The following ARMC9 variants were observed in gnomAD, a reference collection of about 807,000 sequenced individuals.
The protein encoded by ARMC9 is armadillo repeat containing 9.
In ARMC9, 94 loss-of-function variants were observed where a neutral mutation model predicts 107.0. The observed-to-expected ratio is 0.88, with a 90% CI of 0.74 to 1.04. ARMC9 has a LOEUF of 1.04. ARMC9 is among the 50% of genes least tolerant of loss of function. ARMC9 has a pLI of 0.00. For missense variants in ARMC9, 942 were observed against 1,030.1 expected (o/e 0.91, Z 1.17); for synonymous variants, 380 against 396.9 (o/e 0.96, Z 0.51).
intron 19 of ARMC9, among the ~76,000 whole-genome samples, chr2:231,312,095 T>G (rs1435741015): frequency 1.3e-5 from 2 of 152,224 alleles, no homozygotes; most frequent in Non-Finnish European, 2.9e-5. Flanking sequence ...AATATTTTCC[T>G]CCCAATTCTG....
rs1462439882 is a variant in ARMC9 at position 231,358,066 on chromosome 2, T to C, written c.2131+2132T>C. ...CAGTTGGCCTCCCTGCCCCTCTCCC[T>C]GTCCTGTCACCTGCCTCTGCCTAAG... On this transcript the variant is annotated intron_variant, in intron 22 of 24. Transcript: ENST00000611582. This position sits in a 1 kb window ranked among gnomAD's most constrained non-coding sequence, Gnocchi z 4.5. 1.3e-5 allele frequency among the ~76,000 whole-genome samples: 2 copies of C among 152,196 alleles called. No homozygotes were observed. Among genetic ancestry groups the C allele is most frequent in the African/African-American group, 4.8e-5 (2 of 41,448 alleles).
chr2:231,307,255 A>G (rs11894854), intron 19 of ARMC9, among the ~76,000 whole-genome samples: 16,764 of 152,190 alleles, frequency 0.11, 2,127 homozygotes, highest in African/African-American at 0.3. Context: ...AGGTGGCATA[A>G]GCATGCTGAG....
intron 19 of ARMC9, among the ~76,000 whole-genome samples, chr2:231,319,956 G>A (rs568528231): frequency 1.3e-5 from 2 of 152,222 alleles, no homozygotes; most frequent in Non-Finnish European, 2.9e-5. Context: ...TGAAGTTGGT[G>A]TATTAATTCC....
chr2:231,258,855 C>A, intron 10 of ARMC9, 136 bp from the exon 11 acceptor site: 3 of 754,580 alleles, frequency 4.0e-6, no homozygotes, highest in Non-Finnish European at 6.6e-6. Flanking sequence ...GCCCGCCCTC[C>A]AAGTGGAAGC....
intron 8 of ARMC9, among the ~76,000 whole-genome samples, chr2:231,237,026 G>T (rs554256820): frequency 1.3e-5 from 2 of 152,222 alleles, no homozygotes; most frequent in Non-Finnish European, 2.9e-5. Context: ...AAAGAACCGC[G>T]TTGTTTTGGT....
At chr2:231,236,690 C>T (rs1036770049) in intron 8 of ARMC9, among the ~76,000 whole-genome samples, 3 of 152,332 alleles carry the variant, frequency 2.0e-5, no homozygotes, top group Admixed American at 1.3e-4. Flanking sequence ...CCTGTAATCT[C>T]AGCACTTTGG....
intron 19 of ARMC9, among the ~76,000 whole-genome samples, chr2:231,313,584 T>A (rs555617598): frequency 6.6e-6 from 1 of 152,174 alleles, no homozygotes; most frequent in African/African-American, 2.4e-5. Context: ...AATTCAATTT[T>A]AAAATATTTT....
At chr2:231,333,349 T>C (rs1326174287) in intron 20 of ARMC9, among the ~76,000 whole-genome samples, 1 of 152,232 alleles carries the variant, frequency 6.6e-6, no homozygotes, top group Non-Finnish European at 1.5e-5. Flanking sequence ...ATTTTCACTC[T>C]GCTGCTTTGT....
intron 19 of ARMC9, among the ~76,000 whole-genome samples, chr2:231,315,508 C>T (rs1575056195): frequency 6.6e-6 from 1 of 152,294 alleles, no homozygotes; most frequent in Non-Finnish European, 1.5e-5. Context: ...CACTGCACTC[C>T]AGCCTGGGCA....
intron 24 of ARMC9, 120 bp downstream of exon 24, chr2:231,370,245 G>A (rs529758381): frequency 4.2e-5 from 49 of 1,164,090 alleles, no homozygotes; most frequent in East Asian, 3.8e-4. Flanking sequence ...GGCCAGAAGG[G>A]CAGAAGGCCT....
Position 231,331,852 on chromosome 2 carries a change from C to T in ARMC9, c.1833C>T (p.Leu611=), listed in dbSNP as rs1669083. The change falls in exon 20 of 25, where the codon CTC becomes CTT. Residue 611 remains leucine (L), a synonymous_variant. Coordinates refer to ENST00000611582, the MANE Select transcript of ARMC9 (RefSeq NM_001352754.2). ...LDKDELIQPQ[L]GELSGEKLLT... ...AAGACGAACTGATCCAGCCCCAGCT[C>T]GGAGAACTCTCAGGAGAGAAGCTTC... 0.3 allele frequency: 481,042 copies of T among 1,612,540 alleles called. 73,086 individuals are homozygous for T. Among genetic ancestry groups the T allele is most frequent in the Middle Eastern group, 0.33 (1,989 of 6,060 alleles).
At chr2:231,337,761 G>A (rs6714471) in intron 20 of ARMC9, among the ~76,000 whole-genome samples, 29,957 of 152,106 alleles carry the variant, frequency 0.2, 7,779 homozygotes, top group African/African-American at 0.6. Flanking sequence ...ACACAACCAA[G>A]TAAGCAGGGA....
intron 19 of ARMC9, among the ~76,000 whole-genome samples, chr2:231,310,079 GATAGTCATTC>G (rs1360622554): frequency 1.3e-5 from 2 of 152,204 alleles, no homozygotes; most frequent in Non-Finnish European, 1.5e-5. Context: ...ATAACTAACT[GATAGTCATTC>G]ATTAAGCATT....
At chr2:231,241,215 AAT>A (rs1553602716) in intron 9 of ARMC9, among the ~76,000 whole-genome samples, 3 of 151,630 alleles carry the variant, frequency 2.0e-5, no homozygotes, top group African/African-American at 4.9e-5. Context: ...AAAAAAAAAA[AAT>A]AGAACATTTC....
intron 23 of ARMC9, among the ~76,000 whole-genome samples, chr2:231,365,103 G>C (rs1215674669): frequency 2.0e-5 from 3 of 152,242 alleles, no homozygotes; most frequent in Non-Finnish European, 2.9e-5. Flanking sequence ...GCCAGGGCCA[G>C]GAAATGGCGC....
At chr2:231,270,716 A>G (rs1301211542) in intron 12 of ARMC9, 1 of 602,792 alleles carries the variant, frequency 1.7e-6, no homozygotes, top group Non-Finnish European at 3.2e-6. Flanking sequence ...AGCAAACAGG[A>G]CTGCTTCCCT....
intron 16 of ARMC9, among the ~76,000 whole-genome samples, chr2:231,280,128 C>G (rs2040090763): frequency 6.6e-6 from 1 of 152,314 alleles, no homozygotes; most frequent in East Asian, 1.9e-4. Context: ...TTCATCATAT[C>G]ATTACCTGCT....
rs979089973 is a variant in ARMC9 at position 231,235,229 on chromosome 2, T to C, written c.628T>C (p.Leu210=). The part of the protein sequence containing the change: ...KENGQSNKEI[L]QQLHQQLVEA... ...TGTTTTAACTGTCTTCCTAGAAATC[T>C]TGCAGCAGCTCCACCAGCAGCTGGT... The change falls in exon 8 of 25, where the codon TTG becomes CTG. Residue 210 remains leucine (L), a synonymous_variant. Coordinates refer to ENST00000611582, the MANE Select transcript of ARMC9 (RefSeq NM_001352754.2). 12 of 1,610,272 alleles carry C rather than the reference T, an allele frequency of 7.5e-6. No individual in the cohort carries two copies. In the Admixed American group the frequency reaches 1.4e-4, roughly 18 times the overall value.
chr2:231,352,254 G>T (rs1244963213), intron 21 of ARMC9, among the ~76,000 whole-genome samples: 5 of 150,360 alleles, frequency 3.3e-5, no homozygotes, highest in Admixed American at 3.3e-4. Flanking sequence ...GAGCCACTAT[G>T]CCCAGCCCAG....
Sources: gnomAD v4.1 joint callset for allele counts (sites outside exome capture counted in the v4.1 genomes callset) on GRCh38, gnomAD v4.1.1 for gene constraint, Gnocchi (gnomAD v3.1) non-coding constraint, MANE v1.5 for transcripts, NCBI Gene and HGNC (gene_info 2026-07-23, HGNC 2026-07-21) for gene names.